Variants in ASXL2 observed in about 807,000 individuals in gnomAD.
ASXL2 encodes the protein ASXL transcriptional regulator 2.
In ASXL2, 23 loss-of-function variants were observed where a neutral mutation model predicts 122.0. That is an observed-to-expected ratio of 0.19 (90% CI 0.14 to 0.27). ASXL2 has a LOEUF of 0.27. Ranked by LOEUF, ASXL2 falls within the 10% of genes least tolerant of loss-of-function variation. The pLI, the probability that ASXL2 is intolerant of heterozygous loss-of-function variation, is 1.00. For synonymous variants in ASXL2, 650 were observed against 637.0 expected (o/e 1.02, Z -0.31); for missense variants, 1,518 against 1,713.8 (o/e 0.89, Z 2.02).
chr2:25,811,343 A>G (rs2089167838), intron 3 of ASXL2, among the ~76,000 whole-genome samples: 1 of 151,942 alleles, frequency 6.6e-6, no homozygotes, highest in South Asian at 2.1e-4. Context: ...AAAAACCCAA[A>G]AACCACCAAA....
chr2:25,876,760 A>G (rs973345850), intron 1 of ASXL2, among the ~76,000 whole-genome samples: 14 of 152,220 alleles, frequency 9.2e-5, no homozygotes, highest in Non-Finnish European at 1.8e-4. Flanking sequence ...ATACAAAGAC[A>G]TATTGTAAGT....
At chr2:25,745,112 CATCTCTGGCTGGTATTATATTT>C (rs1223851630) in intron 12 of ASXL2, among the ~76,000 whole-genome samples, 3 of 152,080 alleles carry the variant, frequency 2.0e-5, no homozygotes, top group African/African-American at 7.2e-5. Context: ...CAGCCATTCT[CATCTCTGGCTGGTATTATATTT>C]ACTTGCGCAA....
intron 1 of ASXL2, among the ~76,000 whole-genome samples, chr2:25,867,834 T>C (rs975741441): frequency 2.6e-5 from 4 of 152,356 alleles, no homozygotes; most frequent in African/African-American, 9.6e-5. Flanking sequence ...CTGCCTGGAA[T>C]GCCCTTGCCG....
At chr2:25,852,778 T>G (rs1010512432) in intron 1 of ASXL2, among the ~76,000 whole-genome samples, 1 of 152,208 alleles carries the variant, frequency 6.6e-6, no homozygotes, top group Non-Finnish European at 1.5e-5. Flanking sequence ...AAGGTTTAGG[T>G]GGTCAACAAT....
rs1472515923 is a variant in ASXL2 at position 25,799,470 on chromosome 2, T to C, written c.318A>G (p.Ser106=). ...TGCTGTTCTCAGAACTCTGGGAATC[T>C]GACTGACCATCACTGCTTTCTTCTG... ...EGSEESSDGQ[S]DSQSSENSSS... The change falls in exon 5 of 13, where the codon TCA becomes TCG. Residue 106 remains serine, a synonymous_variant. Transcript: ENST00000435504. 8 of 1,613,912 alleles carry C rather than the reference T, an allele frequency of 5.0e-6. No individual in the cohort carries two copies. The highest frequency in any genetic ancestry group is 6.8e-6 in the Non-Finnish European group (8 of 1,179,906).
At chr2:25,869,912 T>G (rs1269087834) in intron 1 of ASXL2, among the ~76,000 whole-genome samples, 1 of 137,870 alleles carries the variant, frequency 7.3e-6, no homozygotes, top group Admixed American at 7.3e-5. Context: ...AATGAAATAC[T>G]AAAAAAAAAA....
At chr2:25,790,512 T>C (rs2088815318) in intron 5 of ASXL2, among the ~76,000 whole-genome samples, 2 of 152,158 alleles carry the variant, frequency 1.3e-5, no homozygotes, top group Non-Finnish European at 2.9e-5. Flanking sequence ...AAGTGGTACT[T>C]ATAGAAAAAT....
intron 1 of ASXL2, among the ~76,000 whole-genome samples, chr2:25,869,780 C>T (rs1207567272): frequency 6.6e-6 from 1 of 150,826 alleles, no homozygotes; most frequent in Admixed American, 6.6e-5. Flanking sequence ...TACGCCACTG[C>T]ACTCCAGCCT....
At chr2:25,810,167 G>A (rs888344456) in intron 3 of ASXL2, 4 of 570,454 alleles carry the variant, frequency 7.0e-6, no homozygotes, top group East Asian at 4.5e-5. Flanking sequence ...GACACTTCAG[G>A]TTATGGTCCA....
chr2:25,876,928 A>G (rs529661652), intron 1 of ASXL2, among the ~76,000 whole-genome samples: 1 of 152,372 alleles, frequency 6.6e-6, no homozygotes, highest in Non-Finnish European at 1.5e-5. Flanking sequence ...CTGAATAAAC[A>G]GTATGACCTA....
At chr2:25,804,371 T>C (rs557352342) in intron 4 of ASXL2, among the ~76,000 whole-genome samples, 1 of 152,356 alleles carries the variant, frequency 6.6e-6, no homozygotes, top group Non-Finnish European at 1.5e-5. Flanking sequence ...CATCTACAAC[T>C]GGCCAATCAT....
chr2:25,856,384 T>TTTTTTTTTTACACCA, intron 1 of ASXL2: 1 of 503,006 alleles, frequency 2.0e-6, no homozygotes, highest in Non-Finnish European at 3.7e-6. Context: ...TTTTTTTTTT[T>TTTTTTTTTTACACCA]GACACCAGTG....
chr2:25,747,724 T>C lies in ASXL2; in HGVS notation c.1860+1972A>G, dbSNP rs550722906. On this transcript the variant is annotated intron_variant, in intron 12 of 12. Transcript: ENST00000435504. ...GTCTGGAGATAAGCTGTGAATGACA[T>C]TGAAGAAAAGTTTCTAATATTTTTA... Among the ~76,000 whole-genome samples, 95 of 139,632 alleles carry C rather than the reference T, an allele frequency of 6.8e-4. No homozygotes were observed. In the South Asian group the frequency reaches 0.017, roughly 26 times the overall value. 91.6% of individuals were successfully genotyped at this position (139,632 alleles called of 152,430 possible).
At chr2:25,851,985 A>T (rs1281111556) in intron 1 of ASXL2, among the ~76,000 whole-genome samples, 4 of 152,196 alleles carry the variant, frequency 2.6e-5, no homozygotes, top group Admixed American at 6.5e-5. Context: ...AATGAGGGAA[A>T]AAAACCCTTT....
chr2:25,749,415 T>G (rs1340218918), intron 12 of ASXL2, among the ~76,000 whole-genome samples: 1 of 152,210 alleles, frequency 6.6e-6, no homozygotes, highest in Non-Finnish European at 1.5e-5. Flanking sequence ...GAGTCTGAGA[T>G]CAGGTGCCTC....
intron 3 of ASXL2, among the ~76,000 whole-genome samples, chr2:25,830,642 A>T (rs892507167): frequency 6.7e-6 from 1 of 148,202 alleles, no homozygotes; most frequent in Non-Finnish European, 1.5e-5. Flanking sequence ...AAAAAAAAAA[A>T]TTAATAAATA....
chr2:25,764,295 T>TA (rs1240286838), intron 8 of ASXL2, among the ~76,000 whole-genome samples: 1 of 152,188 alleles, frequency 6.6e-6, no homozygotes, highest in Non-Finnish European at 1.5e-5. Context: ...TTCTTTCTTT[T>TA]AAAAAAAGCT....
At chr2:25,767,316 G>A (rs769175273) in intron 8 of ASXL2, among the ~76,000 whole-genome samples, 2 of 152,188 alleles carry the variant, frequency 1.3e-5, no homozygotes, top group African/African-American at 4.8e-5. Flanking sequence ...AGTTTGTTAA[G>A]AGGAAGACAG....
intron 3 of ASXL2, among the ~76,000 whole-genome samples, chr2:25,826,048 G>C (rs771220371): frequency 6.6e-6 from 1 of 152,054 alleles, no homozygotes; most frequent in South Asian, 2.1e-4. Flanking sequence ...GTGGTGGGCG[G>C]GCACTATGTC....
Sources: gnomAD v4.1 joint callset for allele counts (sites outside exome capture counted in the v4.1 genomes callset) on GRCh38, gnomAD v4.1.1 for gene constraint, MANE v1.5 for transcripts, NCBI Gene and HGNC (gene_info 2026-07-23, HGNC 2026-07-21) for gene names.